ATG7: variants seen among roughly 807,000 people sequenced by gnomAD.
The protein encoded by ATG7 is ubiquitin-like modifier-activating enzyme ATG7.
Under a neutral mutation model 82.4 loss-of-function variants are expected in ATG7, and 70 were observed. The observed-to-expected ratio is 0.85, with a 90% confidence interval of 0.70 to 1.04. ATG7 has a LOEUF of 1.04. Among genes scored for constraint, ATG7 ranks in the 50% least tolerant of loss-of-function variants. The probability of loss-of-function intolerance (pLI) is 0.00; values close to 1 mark genes in which losing one functional copy is unlikely to be tolerated. For synonymous variants in ATG7, 287 were observed against 313.0 expected (o/e 0.92, Z 0.88); for missense variants, 792 against 864.3 (o/e 0.92, Z 1.05).
At position 11,309,009 on chromosome 3, in the gene ATG7, C is replaced by G; in HGVS notation, c.359C>G (p.Thr120Ser). The G allele has an allele frequency of 6.2e-7, 1 of 1,614,088 alleles. No homozygotes were observed. Among genetic ancestry groups the G allele is most frequent in the East Asian group, 2.2e-5 (1 of 44,878 alleles). ...ATATGGGAATCCATAAAATCAGGCACTGCTCTTGAAAACCCTGTACTCCTC... is the reference window on the plus strand; with the variant it reads ...ATATGGGAATCCATAAAATCAGGCAGTGCTCTTGAAAACCCTGTACTCCTC... ...NEIWESIKSGTALENPVLLNK... is the reference protein window; with the variant it reads ...NEIWESIKSGSALENPVLLNK... The change falls in exon 7 of 21, where the codon ACT (threonine) becomes AGT (serine). Residue 120 changes from threonine (T) to serine (S), a missense_variant. Physicochemically the swap from Thr to Ser is moderately conservative, Grantham distance 58 (BLOSUM62 1). Coordinates refer to ENST00000693202, the MANE Select transcript of ATG7 (RefSeq NM_001349232.2).
intron 20 of ATG7, among the ~76,000 whole-genome samples, chr3:11,515,297 C>CGTGTGTGTGTGT (rs1553704985): frequency 5.3e-5 from 8 of 151,216 alleles, no homozygotes; most frequent in Admixed American, 2.6e-4. Context: ...GTCTCTTGCG[C>CGTGTGTGTGTGT]GTGTGTGTGT....
At chr3:11,302,049 T>C (rs1414950946) in intron 5 of ATG7, among the ~76,000 whole-genome samples, 1 of 152,230 alleles carries the variant, frequency 6.6e-6, no homozygotes, top group Non-Finnish European at 1.5e-5. Flanking sequence ...TTTTCACTCA[T>C]CATATTTTTT....
chr3:11,480,398 G>A (rs1009759556), intron 20 of ATG7, among the ~76,000 whole-genome samples: 5 of 152,072 alleles, frequency 3.3e-5, no homozygotes, highest in African/African-American at 4.8e-5. Flanking sequence ...TTGGCTGGGC[G>A]TGGTTGTGCA....
At chr3:11,366,559 G>A (rs892196577) in intron 18 of ATG7, among the ~76,000 whole-genome samples, 6 of 152,078 alleles carry the variant, frequency 3.9e-5, no homozygotes, top group Non-Finnish European at 7.4e-5. Context: ...CAAGTCTCCC[G>A]CCTTCTTCTG....
intron 11 of ATG7, among the ~76,000 whole-genome samples, chr3:11,334,778 C>T (rs112836854): frequency 0.014 from 2,168 of 150,850 alleles, 57 homozygotes; most frequent in African/African-American, 0.05. Flanking sequence ...GCCGATATGG[C>T]GAAACCCCGT....
chr3:11,486,572 A>G (rs1010619740), intron 20 of ATG7, among the ~76,000 whole-genome samples: 3 of 151,074 alleles, frequency 2.0e-5, no homozygotes, highest in African/African-American at 7.3e-5. Flanking sequence ...TTCCAACACT[A>G]TGTTGAATAG....
chr3:11,405,737 C>A (rs2080266212), intron 19 of ATG7, among the ~76,000 whole-genome samples: 1 of 152,030 alleles, frequency 6.6e-6, no homozygotes, highest in Non-Finnish European at 1.5e-5. Context: ...AGGTGATTCT[C>A]CCACTTCAGC....
chr3:11,357,731 C>T (rs1410478629), intron 14 of ATG7, among the ~76,000 whole-genome samples: 2 of 152,038 alleles, frequency 1.3e-5, no homozygotes, highest in African/African-American at 4.8e-5. Flanking sequence ...GGTACTTTGG[C>T]AGGGTACGGT....
intron 20 of ATG7, among the ~76,000 whole-genome samples, chr3:11,510,527 C>T (rs1299699146): frequency 6.6e-6 from 1 of 151,358 alleles, no homozygotes; most frequent in Non-Finnish European, 1.5e-5. Flanking sequence ...CTGACCCCCT[C>T]AACCCCCCAT....
the ATG7 span, among the ~76,000 whole-genome samples, chr3:11,567,370 C>T: frequency 1.4e-4 from 22 of 152,040 alleles, no homozygotes; most frequent in African/African-American, 5.3e-4. Context: ...ACCCAGTATT[C>T]GTTTATGGGG....
rs139360953 is a variant in ATG7 at position 11,315,011 on chromosome 3, C to G, written c.529-333C>G. Among the ~76,000 whole-genome samples the G allele has an allele frequency of 2.7e-3, 409 of 152,260 alleles. 2 individuals carry two copies. In the Middle Eastern group the frequency reaches 0.034, roughly 13 times the overall value. ...TTATGGAAAGGTTCGGGGTAAAATT[C>G]ATCAGGGGTAGATTCATGTTGGGTT... is the stretch of plus-strand genomic sequence containing the variant. On this transcript the variant is annotated intron_variant, in intron 8 of 20. Transcript: ENST00000693202.
chr3:11,405,123 T>A (rs60061330), intron 19 of ATG7, among the ~76,000 whole-genome samples: 2,354 of 152,340 alleles, frequency 0.015, 69 homozygotes, highest in African/African-American at 0.054. Context: ...CAGTTGCCTC[T>A]GATAGTTTTC....
At position 11,429,617 on chromosome 3, in the gene ATG7, A is replaced by C. The variant is rs185720568; in HGVS notation, c.2079+2691A>C. 6.6e-5 allele frequency among the ~76,000 whole-genome samples: 10 copies of C among 152,142 alleles called. No homozygotes were observed. The East Asian group carries it at 1.8e-3, about 27-fold the overall frequency. On this transcript the variant is annotated intron_variant, in intron 20 of 20. Transcript: ENST00000693202. ...TAGCTAGAGCCAAGAAGCAAAGTTT[A>C]TAGATAATGCACTTGATATAAAATT...
At chr3:11,542,456 T>C (rs989938456) in intron 20 of ATG7, among the ~76,000 whole-genome samples, 3 of 152,184 alleles carry the variant, frequency 2.0e-5, no homozygotes, top group Admixed American at 2.0e-4. Flanking sequence ...GCATTTCCTC[T>C]TGGCAGGTTT....
chr3:11,378,502 G>C (rs2077607034), intron 18 of ATG7, among the ~76,000 whole-genome samples: 1 of 147,836 alleles, frequency 6.8e-6, no homozygotes, highest in Non-Finnish European at 1.5e-5. Context: ...GGACAACATG[G>C]CAAAACCCCA....
Position 11,556,721 on chromosome 3 carries a change from A to G in ATG7, c.*1878A>G, listed in dbSNP as rs1182556234. 1 of 152,762 alleles carries G rather than the reference A, an allele frequency of 6.5e-6. No individual in the cohort carries two copies. Among genetic ancestry groups the G allele is most frequent in the Admixed American group, 6.5e-5 (1 of 15,278 alleles). The allele number at this position is 152,762 out of a possible 1,614,324, so 9.5% of individuals were successfully genotyped here. On this transcript the variant is annotated 3_prime_UTR_variant, in exon 21 of 21. Transcript: ENST00000693202. ...TAATGTTCTTCAAAAAATACCTACA[A>G]ATTTCTCTGTACATTCTTTACGCAC...
At chr3:11,454,040 T>A (rs2085460305) in intron 20 of ATG7, among the ~76,000 whole-genome samples, 1 of 152,240 alleles carries the variant, frequency 6.6e-6, no homozygotes, top group South Asian at 2.1e-4. Context: ...ACTGAGCTTT[T>A]CTTTTTAGAT....
intron 19 of ATG7, among the ~76,000 whole-genome samples, chr3:11,401,908 A>G (rs2079869974): frequency 6.6e-6 from 1 of 152,206 alleles, no homozygotes; most frequent in Admixed American, 6.5e-5. Context: ...TAAGAAATGC[A>G]TGTTTTAATT....
At chr3:11,574,691 C>A in the ATG7 span, among the ~76,000 whole-genome samples, 8 of 152,076 alleles carry the variant, frequency 5.3e-5, no homozygotes, top group Non-Finnish European at 8.8e-5. Flanking sequence ...TTGATGGAGG[C>A]TAACCACCCT....
Sources: gnomAD v4.1 joint callset for allele counts (sites outside exome capture counted in the v4.1 genomes callset) on GRCh38, gnomAD v4.1.1 for gene constraint, MANE v1.5 for transcripts, NCBI Gene and HGNC (gene_info 2026-07-23, HGNC 2026-07-21) for gene names.